The following CKLF variants were observed in gnomAD, a reference collection of about 807,000 sequenced individuals.
CKLF encodes the protein chemokine like factor.
Under a neutral mutation model 12.9 loss-of-function variants are expected in CKLF, and 16 were observed. That is an observed-to-expected ratio of 1.24 (90% CI 0.84 to 1.88). The LOEUF (loss-of-function observed/expected upper bound fraction) is 1.88, where lower values mean the gene tolerates loss of function less well. CKLF is among the 40% of genes most tolerant of loss of function. The probability of loss-of-function intolerance (pLI) is 0.00; values close to 1 mark genes in which losing one functional copy is unlikely to be tolerated. For synonymous variants in CKLF, 61 were observed against 69.0 expected (o/e 0.88, Z 0.57); for missense variants, 172 against 188.5 (o/e 0.91, Z 0.51).
intron 1 of CKLF, among the ~76,000 whole-genome samples, chr16:66,556,319 AAAAAAG>A (rs1464928511): frequency 9.9e-5 from 15 of 152,242 alleles, no homozygotes; most frequent in Non-Finnish European, 2.1e-4. Flanking sequence ...AAGTACTGGA[AAAAAAG>A]AAAAAAGCAT....
chr16:66,558,742 C>G (rs920071412), intron 2 of CKLF, among the ~76,000 whole-genome samples: 1 of 152,048 alleles, frequency 6.6e-6, no homozygotes, highest in Non-Finnish European at 1.5e-5. Context: ...ACACAAGTAT[C>G]TATCCTTGCA....
At chr16:66,563,251 G>T (rs779916966) in intron 3 of CKLF, 34 bp downstream of exon 3, 1 of 1,606,064 alleles carries the variant, frequency 6.2e-7, no homozygotes, top group Non-Finnish European at 8.5e-7. Flanking sequence ...CTTTCTTCAG[G>T]TTTTATCAGA....
At chr16:66,555,015 C>T (rs1269681274) in intron 1 of CKLF, among the ~76,000 whole-genome samples, 1 of 152,162 alleles carries the variant, frequency 6.6e-6, no homozygotes, top group Non-Finnish European at 1.5e-5. Context: ...GCAGGCAGAT[C>T]ATTTGAAGTC....
chr16:66,557,948 G>A (rs2011513693), intron 1 of CKLF, among the ~76,000 whole-genome samples: 1 of 152,106 alleles, frequency 6.6e-6, no homozygotes, highest in Non-Finnish European at 1.5e-5. Flanking sequence ...ATATGTGTGT[G>A]TATATGGCAG....
intron 2 of CKLF, among the ~76,000 whole-genome samples, chr16:66,561,572 G>A (rs765634759): frequency 2.0e-5 from 3 of 152,082 alleles, no homozygotes; most frequent in Non-Finnish European, 4.4e-5. Context: ...CTCACAGGAG[G>A]CAGGCTGCCT....
intron 1 of CKLF, 94 bp from the exon 2 acceptor site, chr16:66,558,096 C>G: frequency 6.5e-7 from 1 of 1,549,482 alleles, no homozygotes; most frequent in Non-Finnish European, 8.7e-7. Context: ...GCATGACCCA[C>G]TGTGCCCAGC....
At chr16:66,561,398 A>G (rs2011707325) in intron 2 of CKLF, among the ~76,000 whole-genome samples, 1 of 152,178 alleles carries the variant, frequency 6.6e-6, no homozygotes, top group South Asian at 2.1e-4. Context: ...ACTCTGTGGC[A>G]TATAGATGTT....
chr16:66,559,030 T>G (rs541133989), intron 2 of CKLF, among the ~76,000 whole-genome samples: 1 of 152,288 alleles, frequency 6.6e-6, no homozygotes, highest in East Asian at 1.9e-4. Flanking sequence ...TAAGAAAAAC[T>G]GAGTGACTTC....
intron 3 of CKLF, chr16:66,565,620 T>C (rs963186228): frequency 4.3e-6 from 2 of 461,528 alleles, no homozygotes; most frequent in Non-Finnish European, 7.8e-6. Context: ...CAAACAAGTA[T>C]GGATTTCAGA....
chr16:66,554,119 A>T (rs1313640521), intron 1 of CKLF, among the ~76,000 whole-genome samples: 3 of 152,226 alleles, frequency 2.0e-5, no homozygotes, highest in Non-Finnish European at 4.4e-5. Context: ...TGATATATTA[A>T]TTCTCTCAAC....
intron 1 of CKLF, among the ~76,000 whole-genome samples, chr16:66,556,733 G>A (rs1226990512): frequency 6.6e-6 from 1 of 152,168 alleles, no homozygotes; most frequent in African/African-American, 2.4e-5. Flanking sequence ...CTAGTTATTT[G>A]TAATCAAACT....
intron 1 of CKLF, among the ~76,000 whole-genome samples, chr16:66,554,483 C>G (rs891127971): frequency 6.6e-6 from 1 of 152,158 alleles, no homozygotes; most frequent in African/African-American, 2.4e-5. Context: ...CTGTCATGTG[C>G]CAGGCACTAT....
intron 1 of CKLF, among the ~76,000 whole-genome samples, chr16:66,554,674 A>T (rs2011345793): frequency 6.6e-6 from 1 of 152,234 alleles, no homozygotes; most frequent in Non-Finnish European, 1.5e-5. Context: ...GCGGGGAAGG[A>T]GTTGCAGAGA....
intron 2 of CKLF, among the ~76,000 whole-genome samples, chr16:66,559,331 T>G (rs941824158): frequency 6.6e-6 from 1 of 152,176 alleles, no homozygotes; most frequent in African/African-American, 2.4e-5. Context: ...TCATAAGCTT[T>G]TTAAAAGTCC....
In CKLF at chr16:66,565,901, A is replaced by G; in HGVS notation, c.349A>G (p.Thr117Ala). 6.2e-7 allele frequency: 1 copy of G among 1,614,144 alleles called. No homozygotes were observed. The highest frequency in any genetic ancestry group is 8.5e-7 in the Non-Finnish European group (1 of 1,180,012). The change falls in exon 4 of 4, where the codon ACA (threonine) becomes GCA (alanine). Residue 117 changes from threonine to alanine, a missense_variant. By Grantham distance (58) the Thr-to-Ala change is moderately conservative. Transcript: ENST00000264001. ...TVGGGVFALV[T>A]AVCCLADGAL... The stretch of plus-strand genomic sequence containing the variant: ...TTCTTTCCAGGTGTTTGCACTTGTG[A>G]CAGCAGTATGCTGTCTTGCCGACGG...
chr16:66,553,831 C>T (rs145055622), intron 1 of CKLF, among the ~76,000 whole-genome samples: 1 of 152,290 alleles, frequency 6.6e-6, no homozygotes, highest in African/African-American at 2.4e-5. Flanking sequence ...GAGACTCAAA[C>T]TTAAGGTGAG....
At chr16:66,565,533 G>A in intron 3 of CKLF, 1 of 212,138 alleles carries the variant, frequency 4.7e-6, no homozygotes, top group Non-Finnish European at 9.6e-6. Context: ...TGAACACTGG[G>A]GTTAGAAATA....
chr16:66,558,377 T>C (rs1157045389), intron 2 of CKLF, 29 bp downstream of exon 2: 2 of 1,585,120 alleles, frequency 1.3e-6, no homozygotes, highest in Non-Finnish European at 1.7e-6. Flanking sequence ...CCTTAAATTT[T>C]ACTTTTTCCT....
chr16:66,555,934 A>T (rs982522235), intron 1 of CKLF, among the ~76,000 whole-genome samples: 4 of 152,138 alleles, frequency 2.6e-5, no homozygotes, highest in Non-Finnish European at 5.9e-5. Context: ...GATAAGGTAG[A>T]TTGTGGTACC....
Sources: allele counts gnomAD v4.1 joint callset (sites outside exome capture counted in the v4.1 genomes callset), GRCh38; gene constraint gnomAD v4.1.1; transcripts MANE v1.5; gene names NCBI Gene and HGNC (gene_info 2026-07-23, HGNC 2026-07-21).